The following DSCAM variants were observed in gnomAD, a reference collection of about 807,000 sequenced individuals.
DSCAM encodes cell adhesion molecule DSCAM.
DSCAM carries 47 observed loss-of-function variants against 217.7 expected under a neutral mutation model. The ratio of observed to expected loss-of-function variants is 0.22; its 90% CI spans 0.17 to 0.28. DSCAM has a LOEUF of 0.28. DSCAM is among the 10% of genes least tolerant of loss of function. The probability of loss-of-function intolerance (pLI) is 1.00; values close to 1 mark genes in which losing one functional copy is unlikely to be tolerated. For missense variants in DSCAM, 2,080 were observed against 2,618.3 expected (o/e 0.79, Z 4.49); for synonymous variants, 1,056 against 1,015.3 (o/e 1.04, Z -0.76).
chr21:40,429,277 T>C (rs1031387052), intron 3 of DSCAM, among the ~76,000 whole-genome samples: 2 of 152,110 alleles, frequency 1.3e-5, no homozygotes, highest in Non-Finnish European at 2.9e-5. Flanking sequence ...GTGCTTTTTT[T>C]TTTTTGGAGA....
intron 11 of DSCAM, among the ~76,000 whole-genome samples, chr21:40,260,836 G>A (rs1055216118): frequency 1.3e-5 from 2 of 152,146 alleles, no homozygotes; most frequent in Non-Finnish European, 2.9e-5. Context: ...CAAGATGAAT[G>A]ATATTAAAAA....
intron 24 of DSCAM, among the ~76,000 whole-genome samples, chr21:40,080,567 T>C (rs951711207): frequency 2.6e-5 from 4 of 152,206 alleles, no homozygotes; most frequent in African/African-American, 9.6e-5. Context: ...ACATTATCAC[T>C]GTGAAGTATT....
At chr21:40,266,491 C>T (rs2073529241) in intron 11 of DSCAM, among the ~76,000 whole-genome samples, 1 of 151,490 alleles carries the variant, frequency 6.6e-6, no homozygotes, top group South Asian at 2.1e-4. Flanking sequence ...CCAGCAATCG[C>T]ACTACTGGGT....
chr21:40,271,171 A>C (rs2073611367), intron 11 of DSCAM, among the ~76,000 whole-genome samples: 1 of 152,180 alleles, frequency 6.6e-6, no homozygotes, highest in Non-Finnish European at 1.5e-5. Flanking sequence ...GGGCACAGCG[A>C]CCCACAGACC....
At chr21:40,718,528 C>T (rs139597173) in intron 1 of DSCAM, among the ~76,000 whole-genome samples, 7 of 152,272 alleles carry the variant, frequency 4.6e-5, no homozygotes, top group African/African-American at 1.7e-4. Flanking sequence ...TGCAGGAAAA[C>T]TTCTAACAAC....
At chr21:40,740,371 G>A (rs928915695) in intron 1 of DSCAM, among the ~76,000 whole-genome samples, 10 of 152,102 alleles carry the variant, frequency 6.6e-5, no homozygotes, top group African/African-American at 9.7e-5. Flanking sequence ...ACAAACTAAC[G>A]GCAGCCCAGG....
At chr21:40,204,294 T>C (rs1477351813) in intron 11 of DSCAM, among the ~76,000 whole-genome samples, 1 of 152,190 alleles carries the variant, frequency 6.6e-6, no homozygotes, top group African/African-American at 2.4e-5. Flanking sequence ...CCTGTGTGCA[T>C]GTGTTTGCGT....
intron 9 of DSCAM, among the ~76,000 whole-genome samples, chr21:40,311,511 A>G (rs770847847): frequency 6.6e-6 from 1 of 152,218 alleles, no homozygotes; most frequent in Non-Finnish European, 1.5e-5. Context: ...ATTTTTTTGA[A>G]TAAGTACTAC....
intron 2 of DSCAM, among the ~76,000 whole-genome samples, chr21:40,699,085 C>T (rs939461491): frequency 2.6e-5 from 4 of 152,150 alleles, no homozygotes; most frequent in Non-Finnish European, 5.9e-5. Context: ...CATGAACTCA[C>T]TTTGTGTCTC....
intron 9 of DSCAM, among the ~76,000 whole-genome samples, chr21:40,296,427 G>T (rs536754284): frequency 2.6e-5 from 4 of 152,202 alleles, no homozygotes; most frequent in African/African-American, 9.7e-5. Flanking sequence ...AACTGGCCTC[G>T]AGGGAGGAAG....
chr21:40,559,053 A>C (rs1166355390), intron 3 of DSCAM, among the ~76,000 whole-genome samples: 1 of 152,240 alleles, frequency 6.6e-6, no homozygotes, highest in Admixed American at 6.5e-5. Context: ...ATAATGAAAC[A>C]AAGTTTGAAG....
chr21:40,161,639 T>G (rs9305693), intron 16 of DSCAM, among the ~76,000 whole-genome samples: 38,795 of 151,902 alleles, frequency 0.26, 5,008 homozygotes, highest in Middle Eastern at 0.28. Flanking sequence ...GATTTTGAAA[T>G]TTTTTTTTCT....
chr21:40,768,361 C>G (rs1323599790), intron 1 of DSCAM, among the ~76,000 whole-genome samples: 1 of 142,482 alleles, frequency 7.0e-6, no homozygotes, highest in Non-Finnish European at 1.5e-5. Context: ...TGTGATAATT[C>G]TGGGAAGAGC....
At chr21:40,168,385 A>G (rs1278294643) in intron 15 of DSCAM, among the ~76,000 whole-genome samples, 2 of 152,362 alleles carry the variant, frequency 1.3e-5, no homozygotes, top group African/African-American at 2.4e-5. Flanking sequence ...GCCAACCAAG[A>G]GTTCAGAATG....
At chr21:40,127,607 A>C (rs537476300) in intron 19 of DSCAM, among the ~76,000 whole-genome samples, 1 of 152,272 alleles carries the variant, frequency 6.6e-6, no homozygotes, top group South Asian at 2.1e-4. Context: ...TCTGTGTCTC[A>C]TGTGTCCAAT....
intron 19 of DSCAM, among the ~76,000 whole-genome samples, chr21:40,127,191 A>G (rs2090103306): frequency 6.6e-6 from 1 of 152,194 alleles, no homozygotes; most frequent in South Asian, 2.1e-4. Flanking sequence ...AGTAAGCACC[A>G]AATAAGTTCT....
At chr21:40,779,743 G>A (rs972289628) in intron 1 of DSCAM, among the ~76,000 whole-genome samples, 7 of 86,446 alleles carry the variant, frequency 8.1e-5, no homozygotes, top group African/African-American at 1.7e-4. Flanking sequence ...AGGGACAGCC[G>A]GGCCTGGCAA....
intron 1 of DSCAM, among the ~76,000 whole-genome samples, chr21:40,712,449 G>A (rs866672837): frequency 1.5e-4 from 17 of 114,502 alleles, no homozygotes; most frequent in Admixed American, 2.6e-4. Flanking sequence ...CGACCTGGGC[G>A]ACAGAGCGAG....
intron 11 of DSCAM, among the ~76,000 whole-genome samples, chr21:40,216,809 C>A (rs56085764): frequency 0.059 from 8,932 of 152,270 alleles, 669 homozygotes; most frequent in African/African-American, 0.18. Context: ...CTACCTCCCC[C>A]CTGGAGCTGC....
Sources: allele counts gnomAD v4.1 joint callset (sites outside exome capture counted in the v4.1 genomes callset), GRCh38; gene constraint gnomAD v4.1.1; transcripts MANE v1.5; gene names NCBI Gene and HGNC (gene_info 2026-07-23, HGNC 2026-07-21).